The following KDELR1 variants were observed in gnomAD, a reference collection of about 807,000 sequenced individuals.
KDELR1 encodes KDEL endoplasmic reticulum protein retention receptor 1.
KDELR1 carries 16 observed loss-of-function variants against 25.5 expected under a neutral mutation model. That is an observed-to-expected ratio of 0.63 (90% CI 0.43 to 0.95). KDELR1 has a LOEUF of 0.95. KDELR1 is among the 40% of genes least tolerant of loss of function. The pLI is 0.00. For missense variants in KDELR1, 159 were observed against 265.2 expected (o/e 0.60, Z 2.78); for synonymous variants, 121 against 115.0 (o/e 1.05, Z -0.33).
chr19:48,384,478 A>G lies in KDELR1; in HGVS notation c.356T>C (p.Leu119Pro). The G allele has an allele frequency of 1.2e-6, 2 of 1,612,430 alleles. No homozygotes were observed. The highest frequency in any genetic ancestry group is 1.7e-6 in the Non-Finnish European group (2 of 1,179,234). Residue 119 changes from leucine (L) to proline (P), a missense_variant, in exon 4 of 5, where the codon CTC becomes CCC. Transcript: ENST00000330720. The surrounding 1 kb of genome is among the most constrained non-coding windows in gnomAD (Gnocchi z 4.6). ...VNHDFTPLEILWTFSIYLESV... is the reference protein window; with the variant it reads ...VNHDFTPLEIPWTFSIYLESV... ...CTCCAGGTAGATGGAGAAGGTCCAG[A>G]GGATCTGCAGAGAGGCCGGGGACAT... is the stretch of plus-strand genomic sequence containing the variant.
upstream of KDELR1, among the ~76,000 whole-genome samples, chr19:48,391,760 T>TACA (rs1970557347): frequency 6.6e-6 from 1 of 152,078 alleles, no homozygotes; most frequent in Non-Finnish European, 1.5e-5. Flanking sequence ...GCAGTCTGTG[T>TACA]CTCTGGAAGA....
At chr19:48,388,478 G>A (rs1404627696) in intron 3 of KDELR1, among the ~76,000 whole-genome samples, 2 of 152,108 alleles carry the variant, frequency 1.3e-5, no homozygotes, top group Non-Finnish European at 2.9e-5. Flanking sequence ...CTGAGGTCAG[G>A]AATTCGAGAC....
upstream of KDELR1, among the ~76,000 whole-genome samples, chr19:48,394,170 G>C (rs934518686): frequency 6.6e-6 from 1 of 151,978 alleles, no homozygotes; most frequent in Non-Finnish European, 1.5e-5. This position sits in a 1 kb window ranked among gnomAD's most constrained non-coding sequence, Gnocchi z 5.1. Flanking sequence ...GCCCCCATTA[G>C]ACCCCCCACT....
chr19:48,390,542 AG>A lies in KDELR1; in HGVS notation c.92-19del. The A allele has an allele frequency of 6.5e-7, 1 of 1,529,366 alleles. No homozygotes were observed. The highest frequency in any genetic ancestry group is 9.0e-7 in the Non-Finnish European group (1 of 1,105,152). 94.7% of individuals were successfully genotyped at this position (1,529,366 alleles called of 1,614,324 possible). Reference sequence around the variant, plus strand: ...TGAAATTCCTGTGGTCCAGAGACAGAGAAAGAGAGAGAGAGAGAGACAGAGA... The same window carrying A: ...TGAAATTCCTGTGGTCCAGAGACAGAAAAGAGAGAGAGAGAGAGACAGAGA... On this transcript the variant is annotated intron_variant, in intron 1 of 4. Coordinates refer to ENST00000330720, the MANE Select transcript of KDELR1 (RefSeq NM_006801.3).
chr19:48,393,672 C>T (rs1440221271), upstream of KDELR1, among the ~76,000 whole-genome samples: 1 of 152,012 alleles, frequency 6.6e-6, no homozygotes. This position sits in a 1 kb window ranked among gnomAD's most constrained non-coding sequence, Gnocchi z 5.6. Flanking sequence ...AATCGCATCC[C>T]GAGTGAGTGT....
upstream of KDELR1, among the ~76,000 whole-genome samples, chr19:48,392,936 C>T (rs1450383201): frequency 6.6e-6 from 1 of 152,224 alleles, no homozygotes; most frequent in Non-Finnish European, 1.5e-5. Flanking sequence ...AGCCTGTGGT[C>T]TGGACTCCTG....
intron 3 of KDELR1, among the ~76,000 whole-genome samples, chr19:48,386,198 T>C (rs1600956481): frequency 7.1e-6 from 1 of 140,422 alleles, no homozygotes; most frequent in Non-Finnish European, 1.5e-5. Context: ...ACTGCAAACC[T>C]CCACCTCACG....
At chr19:48,383,365 G>A (rs1970471575) in intron 4 of KDELR1, 38 bp from the exon 5 acceptor site, 6 of 1,547,408 alleles carry the variant, frequency 3.9e-6, no homozygotes, top group Non-Finnish European at 5.2e-6. Context: ...TTACCGCTGG[G>A]GCCCCTGCAG....
chr19:48,391,107 G>A (rs1463005891), intron 1 of KDELR1, among the ~76,000 whole-genome samples, 161 bp downstream of exon 1: 3 of 152,212 alleles, frequency 2.0e-5, no homozygotes, highest in Non-Finnish European at 4.4e-5. Flanking sequence ...GGGGAAGGGA[G>A]CTGATCCCCT....
In KDELR1 at chr19:48,384,166, C is replaced by T; in HGVS notation, c.604+64G>A. ...ATACAGGGGTAAGGAGACCCCAGTC[C>T]CCAGGGAGGGCAGGAGCTGCAGAAA... On this transcript the variant is annotated intron_variant, in intron 4 of 4. Coordinates refer to ENST00000330720, the MANE Select transcript of KDELR1 (RefSeq NM_006801.3). This position sits in a 1 kb window ranked among gnomAD's most constrained non-coding sequence, Gnocchi z 4.6. 3 of 1,592,654 alleles carry T rather than the reference C, an allele frequency of 1.9e-6. No individual in the cohort carries two copies. The highest frequency in any genetic ancestry group is 2.6e-6 in the Non-Finnish European group (3 of 1,165,682).
rs573904966 is a variant in KDELR1 at position 48,390,622 on chromosome 19, G to T, written c.92-98C>A. ...CAGACAGAAGGAGAGAGGAAGCTGG[G>T]GGTGGGCTGCATGGGCAATAAACTA... On this transcript the variant is annotated intron_variant, in intron 1 of 4. Transcript: ENST00000330720. 13 of 889,924 alleles carry T rather than the reference G, an allele frequency of 1.5e-5. No individual in the cohort carries two copies. In the African/African-American group the frequency reaches 1.7e-4, roughly 11 times the overall value. 55.1% of individuals were successfully genotyped at this position (889,924 alleles called of 1,614,324 possible). A position where few individuals can be genotyped will look rare whatever the true frequency, so the allele number is the denominator to read the frequency against.
Position 48,384,466 on chromosome 19 carries a change from GAGA to G in KDELR1, c.365_367del (p.Phe122del). On this transcript the variant is annotated inframe_deletion, in exon 4 of 5. Transcript: ENST00000330720. The surrounding 1 kb of genome is among the most constrained non-coding windows in gnomAD (Gnocchi z 4.6). ...GATGGCCACTGACTCCAGGTAGATG[GAGA>G]AGGTCCAGAGGATCTGCAGAGAGGC... 1 of 1,613,302 alleles carries G rather than the reference GAGA, an allele frequency of 6.2e-7. No homozygotes were observed. Among genetic ancestry groups the G allele is most frequent in the Non-Finnish European group, 8.5e-7 (1 of 1,179,734 alleles).
chr19:48,393,220 G>T (rs1280486841), upstream of KDELR1, among the ~76,000 whole-genome samples: 1 of 152,008 alleles, frequency 6.6e-6, no homozygotes, highest in African/African-American at 2.4e-5. The surrounding 1 kb of genome is among the most constrained non-coding windows in gnomAD (Gnocchi z 5.6). Context: ...GGGACTCCTG[G>T]GTCTGAGGGA....
chr19:48,391,137 G>T, intron 1 of KDELR1, 131 bp downstream of exon 1: 1 of 782,188 alleles, frequency 1.3e-6, no homozygotes. Context: ...GAACCTAGAA[G>T]AGAGATCCCC....
intron 1 of KDELR1, 103 bp downstream of exon 1, chr19:48,391,165 G>A (rs1308003633): frequency 1.0e-6 from 1 of 969,884 alleles, no homozygotes; most frequent in East Asian, 2.6e-5. Context: ...AGTGGGGGTG[G>A]AACCTGTGCC....
rs2147419324 is a variant in KDELR1, at chr19:48,384,646, A to G, written c.352-164T>C. ...TCTGCCCGAGTTACTGGTACCTCTG[A>G]TTTAATCATCACCATGGCCCGGCGA... On this transcript the variant is annotated intron_variant, in intron 3 of 4. Coordinates refer to ENST00000330720, the MANE Select transcript of KDELR1 (RefSeq NM_006801.3). This position sits in a 1 kb window ranked among gnomAD's most constrained non-coding sequence, Gnocchi z 4.6. Among the ~76,000 whole-genome samples, 1 of 152,266 alleles carries G rather than the reference A, an allele frequency of 6.6e-6. No homozygotes were observed. The highest frequency in any genetic ancestry group is 1.5e-5 in the Non-Finnish European group (1 of 68,024).
At chr19:48,394,426 A>G (rs1452644052), upstream of KDELR1, among the ~76,000 whole-genome samples, 1 of 135,754 alleles carries the variant, frequency 7.4e-6, no homozygotes, top group Non-Finnish European at 1.6e-5. The surrounding 1 kb of genome is among the most constrained non-coding windows in gnomAD (Gnocchi z 5.1). Flanking sequence ...GGTGACCCAG[A>G]CAGACAGATA....
chr19:48,395,945 G>A (rs1339086137), upstream of KDELR1, among the ~76,000 whole-genome samples: 2 of 151,904 alleles, frequency 1.3e-5, no homozygotes, highest in East Asian at 1.9e-4. Context: ...CTGGGTCCTG[G>A]GAAAGAACAG....
Position 48,389,495 on chromosome 19 carries a change from T to C in KDELR1, c.351+58A>G, listed in dbSNP as rs1006304425. 1.9e-6 allele frequency: 3 copies of C among 1,600,796 alleles called. No homozygotes were observed. In the African/African-American group the frequency reaches 4.0e-5, roughly 21 times the overall value. On this transcript the variant is annotated intron_variant, in intron 3 of 4. Transcript: ENST00000330720. ...AGGAAGCCTGTGAGAGGGTCTCCTG[T>C]CATAGCTACTCTGCCACAACCATCC...
Sources: allele counts gnomAD v4.1 joint callset (sites outside exome capture counted in the v4.1 genomes callset), GRCh38; gene constraint gnomAD v4.1.1; non-coding constraint Gnocchi (gnomAD v3.1); transcripts MANE v1.5; gene names NCBI Gene and HGNC (gene_info 2026-07-23, HGNC 2026-07-21).